Variants in CADM2 observed in about 807,000 individuals in gnomAD.
CADM2 encodes immunoglobulin superfamily member 4D.
Under a neutral mutation model 49.8 loss-of-function variants are expected in CADM2, and 12 were observed. The ratio of observed to expected loss-of-function variants is 0.24; its 90% CI spans 0.15 to 0.39. CADM2 has a LOEUF of 0.39. CADM2 is among the 10% of genes least tolerant of loss of function. The pLI is 1.00. For synonymous variants in CADM2, 214 were observed against 175.4 expected, an observed-to-expected ratio of 1.22 and a Z score of -1.74; for missense variants, 378 against 492.3, an observed-to-expected ratio of 0.77 and a Z score of 2.20.
intron 1 of CADM2, among the ~76,000 whole-genome samples, chr3:85,284,780 G>A (rs1050715488): frequency 2.0e-5 from 3 of 152,040 alleles, no homozygotes; most frequent in Non-Finnish European, 2.9e-5. Flanking sequence ...GGACCTTGTA[G>A]GCTATATAAA....
At chr3:85,732,715 A>G (rs747756206) in intron 2 of CADM2, among the ~76,000 whole-genome samples, 2 of 152,306 alleles carry the variant, frequency 1.3e-5, no homozygotes, top group Non-Finnish European at 2.9e-5. Context: ...AAGCATTCGT[A>G]GGTGTTTTCT....
intron 1 of CADM2, among the ~76,000 whole-genome samples, chr3:84,969,614 T>C (rs2031271575): frequency 6.6e-6 from 1 of 151,906 alleles, no homozygotes; most frequent in African/African-American, 2.4e-5. Context: ...GTATTTACAT[T>C]ATAACTGCCA....
chr3:85,007,985 T>C (rs2033819235), intron 1 of CADM2, among the ~76,000 whole-genome samples: 1 of 152,174 alleles, frequency 6.6e-6, no homozygotes, highest in African/African-American at 2.4e-5. Context: ...TAGAATTGGA[T>C]GGTCCAGGAA....
chr3:85,826,712 A>AT (rs2073930661), intron 3 of CADM2, among the ~76,000 whole-genome samples: 4 of 151,864 alleles, frequency 2.6e-5, no homozygotes, highest in African/African-American at 9.7e-5. Context: ...TGGTTCATTG[A>AT]TTACTCAGAT....
In CADM2 at chr3:85,846,509, T is replaced by A. The variant is rs754796655; in HGVS notation, c.239-36782T>A. 1.1e-4 allele frequency among the ~76,000 whole-genome samples: 16 copies of A among 152,264 alleles called. No individual in the cohort carries two copies. In the East Asian group the frequency reaches 1.2e-3, roughly 11 times the overall value. On this transcript the variant is annotated intron_variant, in intron 3 of 9. Transcript: ENST00000383699. ...GGAGTCAGGTTATTCAGAAAAGACATTGCCAAAAATGCTGAGTTTTAAGGG... is the reference window on the plus strand; with the variant it reads ...GGAGTCAGGTTATTCAGAAAAGACAATGCCAAAAATGCTGAGTTTTAAGGG...
intron 3 of CADM2, among the ~76,000 whole-genome samples, chr3:85,869,911 T>G (rs1036671586): frequency 4.6e-5 from 7 of 152,184 alleles, no homozygotes; most frequent in African/African-American, 1.7e-4. Flanking sequence ...TCCTCCCGCC[T>G]TGGCCTCCCA....
At chr3:85,042,577 G>T (rs2035484673) in intron 1 of CADM2, among the ~76,000 whole-genome samples, 1 of 151,750 alleles carries the variant, frequency 6.6e-6, no homozygotes, top group Non-Finnish European at 1.5e-5. Flanking sequence ...TCTTTTCCAT[G>T]TCTATCATTT....
At chr3:85,814,133 A>G (rs546030001) in intron 3 of CADM2, among the ~76,000 whole-genome samples, 8 of 152,216 alleles carry the variant, frequency 5.3e-5, no homozygotes, top group African/African-American at 1.9e-4. Context: ...TACTTTGGGC[A>G]TTATGGCCAT....
rs1245090448 is a variant in CADM2 at position 86,071,155 on chromosome 3, T to C, written c.*4372T>C. ...AATAACCTGAGTTTTAAATTTCGAT[T>C]CATATCTCATTGAATTGGGAATTCT... On this transcript the variant is annotated 3_prime_UTR_variant, in exon 10 of 10. Coordinates refer to ENST00000383699, the MANE Select transcript of CADM2 (RefSeq NM_001167675.2). 1 of 151,908 alleles carries C rather than the reference T, an allele frequency of 6.6e-6. No individual in the cohort carries two copies. The highest frequency in any genetic ancestry group is 2.4e-5 in the African/African-American group (1 of 41,430). 9.4% of individuals were successfully genotyped at this position (151,908 alleles called of 1,614,324 possible).
At chr3:85,295,936 GA>G (rs1315751827) in intron 1 of CADM2, among the ~76,000 whole-genome samples, 2 of 150,156 alleles carry the variant, frequency 1.3e-5, no homozygotes, top group African/African-American at 2.4e-5. Context: ...ATAAAAAAAA[GA>G]AAAAAAGAAG....
chr3:85,949,394 C>T (rs1453585850), intron 7 of CADM2, among the ~76,000 whole-genome samples: 5 of 151,160 alleles, frequency 3.3e-5, no homozygotes, highest in Non-Finnish European at 5.9e-5. Flanking sequence ...ATAAGCATAT[C>T]AGCTATGAGA....
intron 1 of CADM2, among the ~76,000 whole-genome samples, chr3:85,457,096 C>A (rs1054653000): frequency 2.6e-5 from 4 of 151,902 alleles, no homozygotes; most frequent in Middle Eastern, 6.8e-3. Context: ...TTATCAGATT[C>A]TTTAAAAGAA....
intron 3 of CADM2, among the ~76,000 whole-genome samples, chr3:85,823,258 C>T (rs925816867): frequency 1.4e-4 from 22 of 152,232 alleles, no homozygotes; most frequent in Middle Eastern, 3.4e-3. Context: ...TTAGCTTTTA[C>T]ATACATAAAT....
rs531059211 is a variant in CADM2, at chr3:85,216,365, T to G, written c.61+256697T>G. Among the ~76,000 whole-genome samples, 16 of 147,580 alleles carry G rather than the reference T, an allele frequency of 1.1e-4. 1 individual carries two copies. Among genetic ancestry groups the G allele is most frequent in the Middle Eastern group, 3.6e-3 (1 of 278 alleles). ...ATATATTATTATATTAATAGTAATA[T>G]ATTTAATATTAATGTACACTTATAT... On this transcript the variant is annotated intron_variant, in intron 1 of 9. Coordinates refer to ENST00000383699, the MANE Select transcript of CADM2 (RefSeq NM_001167675.2).
intron 3 of CADM2, among the ~76,000 whole-genome samples, chr3:85,882,697 A>G (rs1712991578): frequency 6.6e-6 from 1 of 152,214 alleles, no homozygotes. Context: ...GTCTTGTGAT[A>G]GAAAAGGTGA....
chr3:85,568,429 T>C (rs202196879), intron 1 of CADM2, among the ~76,000 whole-genome samples: 3,161 of 22,958 alleles, frequency 0.14, 224 homozygotes, highest in East Asian at 0.48. Flanking sequence ...CTTTCTTTCT[T>C]TCTTTCTTTC....
intron 1 of CADM2, among the ~76,000 whole-genome samples, chr3:85,551,544 A>C (rs1415084115): frequency 6.6e-6 from 1 of 152,124 alleles, no homozygotes; most frequent in Non-Finnish European, 1.5e-5. Context: ...CAAGCATGGC[A>C]TGGTTTTTCA....
At chr3:85,003,065 G>T (rs1338676948) in intron 1 of CADM2, among the ~76,000 whole-genome samples, 3 of 152,094 alleles carry the variant, frequency 2.0e-5, no homozygotes, top group Non-Finnish European at 4.4e-5. Flanking sequence ...CAAAGTGCTG[G>T]GATTACAGGC....
Position 85,457,865 on chromosome 3 carries a change from A to G in CADM2, c.62-268657A>G, listed in dbSNP as rs1224635397. On this transcript the variant is annotated intron_variant, in intron 1 of 9. Transcript: ENST00000383699. ...TTTTGGACACTTTTTTTAGGTGTTCAGATGTAACACAATTCTTTTTGGCAT... is the reference window on the plus strand; with the variant it reads ...TTTTGGACACTTTTTTTAGGTGTTCGGATGTAACACAATTCTTTTTGGCAT... Among the ~76,000 whole-genome samples, 5 of 152,308 alleles carry G rather than the reference A, an allele frequency of 3.3e-5. No homozygotes were observed. The East Asian group carries it at 9.7e-4, about 29-fold the overall frequency.
Sources: allele counts gnomAD v4.1 joint callset (sites outside exome capture counted in the v4.1 genomes callset), GRCh38; gene constraint gnomAD v4.1.1; transcripts MANE v1.5; gene names NCBI Gene and HGNC (gene_info 2026-07-23, HGNC 2026-07-21).